Variants in ROBO2 observed in about 807,000 individuals in gnomAD.
ROBO2 encodes roundabout homolog 2.
Under a neutral mutation model 160.8 loss-of-function variants are expected in ROBO2, and 53 were observed. The ratio of observed to expected loss-of-function variants is 0.33; its 90% CI spans 0.26 to 0.41. The LOEUF (loss-of-function observed/expected upper bound fraction) is 0.41. Ranked by LOEUF, ROBO2 falls within the 10% of genes least tolerant of loss-of-function variation. ROBO2 has a pLI of 1.00. For synonymous variants in ROBO2, 664 were observed against 611.7 expected (o/e 1.09, Z -1.26); for missense variants, 1,577 against 1,722.4 (o/e 0.92, Z 1.49).
chr3:76,017,684 C>A (rs1213251194), intron 2 of ROBO2, among the ~76,000 whole-genome samples: 1 of 152,062 alleles, frequency 6.6e-6, no homozygotes, highest in African/African-American at 2.4e-5. Context: ...ATCACACACA[C>A]ATACAGACAC....
chr3:77,421,440 G>A (rs756037093), intron 2 of ROBO2, among the ~76,000 whole-genome samples: 1 of 152,102 alleles, frequency 6.6e-6, no homozygotes, highest in Admixed American at 6.6e-5. Flanking sequence ...AGAGGGTGAT[G>A]CAGCTTCAGT....
intron 2 of ROBO2, among the ~76,000 whole-genome samples, chr3:77,181,430 A>G (rs1264892121): frequency 6.6e-6 from 1 of 152,124 alleles, no homozygotes; most frequent in East Asian, 1.9e-4. Flanking sequence ...GTGACTGAGA[A>G]TACGGCTCTG....
chr3:76,596,077 C>T (rs985630277), intron 2 of ROBO2, among the ~76,000 whole-genome samples: 3 of 151,920 alleles, frequency 2.0e-5, no homozygotes, highest in Non-Finnish European at 2.9e-5. Flanking sequence ...AATAAAAGTA[C>T]ATTATTTCAA....
At chr3:76,174,518 T>A (rs1288501496) in intron 2 of ROBO2, among the ~76,000 whole-genome samples, 1 of 152,210 alleles carries the variant, frequency 6.6e-6, no homozygotes, top group Non-Finnish European at 1.5e-5. Flanking sequence ...AAGTATTTAA[T>A]CCATCTTGAG....
chr3:77,344,330 G>A (rs1192581705), intron 2 of ROBO2, among the ~76,000 whole-genome samples: 5 of 152,170 alleles, frequency 3.3e-5, no homozygotes, highest in Non-Finnish European at 7.3e-5. Flanking sequence ...GTGGGAGGAT[G>A]CAATGGACTG....
At chr3:75,907,904 G>A (rs1946423032) in intron 1 of ROBO2, among the ~76,000 whole-genome samples, 1 of 150,352 alleles carries the variant, frequency 6.7e-6, no homozygotes, top group Admixed American at 6.6e-5. Flanking sequence ...AAAATTCCTT[G>A]GAGGTATTAT....
At chr3:77,490,980 T>C (rs1221210092) in intron 4 of ROBO2, among the ~76,000 whole-genome samples, 3 of 152,246 alleles carry the variant, frequency 2.0e-5, no homozygotes, top group African/African-American at 7.2e-5. Flanking sequence ...CTTTTTCATA[T>C]GCTTATTCAA....
intron 2 of ROBO2, among the ~76,000 whole-genome samples, chr3:76,117,748 G>C (rs1043745477): frequency 2.4e-4 from 36 of 152,132 alleles, no homozygotes; most frequent in Admixed American, 1.6e-3. Flanking sequence ...TTACATTCTA[G>C]TGGGGGAGAC....
intron 2 of ROBO2, among the ~76,000 whole-genome samples, chr3:77,288,842 A>G (rs2153382852): frequency 6.6e-6 from 1 of 152,306 alleles, no homozygotes. Flanking sequence ...ATAACACTGT[A>G]TTATAGTATC....
intron 2 of ROBO2, among the ~76,000 whole-genome samples, chr3:75,940,118 A>T (rs2107058079): frequency 6.6e-6 from 1 of 152,330 alleles, no homozygotes; most frequent in Middle Eastern, 3.4e-3. Context: ...CATATTTATG[A>T]ATAGACTATG....
chr3:76,341,434 A>AC lies in ROBO2; in HGVS notation c.109+403832_109+403833insC, dbSNP rs568043716. Among the ~76,000 whole-genome samples, 450 of 150,562 alleles carry AC rather than the reference A, an allele frequency of 3.0e-3. 6 individuals carry two copies. The highest frequency in any genetic ancestry group is 0.022 in the Admixed American group (328 of 15,092). On this transcript the variant is annotated intron_variant, in intron 2 of 26. Transcript: ENST00000487694. ...TTTTAAAGCGTAAAAAAAAAAAAAA[A>AC]AAAAAAAGGAAAAATATGTGTTTGA...
At chr3:76,705,221 T>C (rs2093135273) in intron 2 of ROBO2, among the ~76,000 whole-genome samples, 1 of 152,116 alleles carries the variant, frequency 6.6e-6, no homozygotes, top group African/African-American at 2.4e-5. Flanking sequence ...GCCTTATAAT[T>C]CTTCATATTG....
intron 2 of ROBO2, among the ~76,000 whole-genome samples, chr3:76,049,970 A>C (rs2067599447): frequency 6.6e-6 from 1 of 152,156 alleles, no homozygotes. Context: ...ATGAGTGCAG[A>C]ATGGTTTTCT....
chr3:76,881,100 C>A (rs1004447424), intron 2 of ROBO2, among the ~76,000 whole-genome samples: 1 of 152,146 alleles, frequency 6.6e-6, no homozygotes, highest in Admixed American at 6.5e-5. Flanking sequence ...ACTGTTTGAT[C>A]TTTCACATAG....
At chr3:76,212,744 T>G (rs1476815221) in intron 2 of ROBO2, among the ~76,000 whole-genome samples, 1 of 152,048 alleles carries the variant, frequency 6.6e-6, no homozygotes, top group African/African-American at 2.4e-5. Context: ...CAGTACTTGC[T>G]TCTCTGTAGT....
At chr3:76,798,268 GA>G (rs2063897470) in intron 2 of ROBO2, among the ~76,000 whole-genome samples, 7 of 121,704 alleles carry the variant, frequency 5.8e-5, no homozygotes, top group African/African-American at 2.3e-4. Flanking sequence ...AGGAAAGAAA[GA>G]AAGAAAGAAA....
chr3:76,851,373 T>C (rs1447244566), intron 2 of ROBO2, among the ~76,000 whole-genome samples: 1 of 152,192 alleles, frequency 6.6e-6, no homozygotes, highest in African/African-American at 2.4e-5. Flanking sequence ...ATAGCACTGC[T>C]CTGGATGATG....
At chr3:76,331,903 C>T (rs975808782) in intron 2 of ROBO2, among the ~76,000 whole-genome samples, 1 of 151,824 alleles carries the variant, frequency 6.6e-6, no homozygotes, top group Non-Finnish European at 1.5e-5. Flanking sequence ...AGGCTGTTCT[C>T]GAACTCCTGA....
intron 2 of ROBO2, among the ~76,000 whole-genome samples, chr3:76,864,980 G>C (rs2071212142): frequency 6.6e-6 from 1 of 151,972 alleles, no homozygotes; most frequent in Admixed American, 6.6e-5. Flanking sequence ...ATTTAGCATA[G>C]CTAAATTGAA....
Sources: allele counts gnomAD v4.1 joint callset (sites outside exome capture counted in the v4.1 genomes callset), GRCh38; gene constraint gnomAD v4.1.1; transcripts MANE v1.5; gene names NCBI Gene and HGNC (gene_info 2026-07-23, HGNC 2026-07-21).